The following ZNF418 variants were observed in gnomAD, a reference collection of about 807,000 sequenced individuals.
ZNF418 encodes the protein zinc finger protein 418.
Under a neutral mutation model 32.0 loss-of-function variants are expected in ZNF418, and 32 were observed. The ratio of observed to expected loss-of-function variants is 1.00; its 90% CI spans 0.75 to 1.34. The LOEUF (loss-of-function observed/expected upper bound fraction) is 1.34, where lower values mean the gene tolerates loss of function less well. Among genes scored for constraint, ZNF418 ranks in the 40% most tolerant of loss-of-function variants. ZNF418 has a pLI of 0.00. For missense variants in ZNF418, 804 were observed against 812.5 expected (o/e 0.99, Z 0.13); for synonymous variants, 276 against 270.7 (o/e 1.02, Z -0.19).
intron 2 of ZNF418, chr19:57,932,664 C>T (rs950224378): frequency 3.9e-5 from 55 of 1,397,262 alleles, no homozygotes; most frequent in Non-Finnish European, 4.9e-5. Context: ...AAGTGGAAAA[C>T]AAAAGAAAAA....
In ZNF418 at chr19:57,927,532, CGT is replaced by C; in HGVS notation, c.647_648del (p.His216ArgfsTer11). ...GGAAGTCTCTGCTGTTGAACAAATACGTGTTTGGTGCTAGAATGTTTCATGCA... is the reference window on the plus strand; with the variant it reads ...GGAAGTCTCTGCTGTTGAACAAATACGTTTGGTGCTAGAATGTTTCATGCA... Reference protein sequence around the residue: ...GECMKHSSTKHVFVQQQRLPS... With the variant: ...GECMKHSSTKXVFVQQQRLPS... On this transcript the variant is annotated frameshift_variant, in exon 4 of 6. Coordinates refer to ENST00000396147, the MANE Select transcript of ZNF418 (RefSeq NM_133460.3). LOFTEE classifies it high-confidence loss of function. The C allele has an allele frequency of 6.2e-7, 1 of 1,614,198 alleles. No individual in the cohort carries two copies. The highest frequency in any genetic ancestry group is 1.1e-5 in the South Asian group (1 of 91,086).
At chr19:57,932,658 G>A (rs2072531623) in intron 2 of ZNF418, 1 of 1,400,812 alleles carries the variant, frequency 7.1e-7, no homozygotes, top group Non-Finnish European at 9.3e-7. Context: ...TAAGAAAAGT[G>A]GAAAACAAAA....
intron 2 of ZNF418, among the ~76,000 whole-genome samples, chr19:57,931,173 C>T (rs2072472612): frequency 6.6e-6 from 1 of 152,152 alleles, no homozygotes; most frequent in African/African-American, 2.4e-5. Flanking sequence ...TGCCTGGGTC[C>T]ATTAGACGTA....
At chr19:57,922,824 A>G (rs1192755180) in intron 5 of ZNF418, among the ~76,000 whole-genome samples, 195 bp from the exon 6 acceptor site, 1 of 151,834 alleles carries the variant, frequency 6.6e-6, no homozygotes, top group Non-Finnish European at 1.5e-5. Flanking sequence ...ACATAGTGAG[A>G]CCTAATCTCT....
At chr19:57,925,072 T>A (rs764365939) in intron 4 of ZNF418, among the ~76,000 whole-genome samples, 3 of 152,094 alleles carry the variant, frequency 2.0e-5, no homozygotes, top group Non-Finnish European at 4.4e-5. Context: ...CTCTCAAGAC[T>A]GAAGGAAGCT....
At chr19:57,930,330 C>T (rs1284352951) in intron 3 of ZNF418, 98 bp downstream of exon 3, 1 of 1,579,550 alleles carries the variant, frequency 6.3e-7, no homozygotes, top group Non-Finnish European at 8.7e-7. Context: ...GAAGCTGTGC[C>T]CATGGTCCTG....
chr19:57,925,532 C>G (rs923458013), intron 4 of ZNF418, 91 bp downstream of exon 4: 1 of 152,212 alleles, frequency 6.6e-6, no homozygotes. Context: ...TTCAAGCTGA[C>G]AGAAGACCCC....
intron 2 of ZNF418, among the ~76,000 whole-genome samples, chr19:57,931,820 C>A (rs1002206312): frequency 6.6e-6 from 1 of 152,208 alleles, no homozygotes; most frequent in Non-Finnish European, 1.5e-5. Flanking sequence ...AAGCAATCCT[C>A]CCACCTCAGC....
At position 57,924,142 on chromosome 19, in the gene ZNF418, G is replaced by GA. The variant is rs997153751; in HGVS notation, c.*528-854dup. 2.2e-3 allele frequency among the ~76,000 whole-genome samples: 275 copies of GA among 126,518 alleles called. 1 individual carries two copies. Among genetic ancestry groups the GA allele is most frequent in the East Asian group, 4.0e-3 (18 of 4,468 alleles). 83.0% of individuals were successfully genotyped at this position (126,518 alleles called of 152,430 possible). A position where few individuals can be genotyped will look rare whatever the true frequency, so the allele number is the denominator to read the frequency against. ...GGTCACAGAGCAACACCTTGTCTTA[G>GA]AAAAAAAAAAAAAGAAAAACATGGA... On this transcript the variant is annotated intron_variant, in intron 4 of 5. Transcript: ENST00000396147.
rs755372265 is a variant in ZNF418, at chr19:57,926,102, T to C, written c.*48A>G. 6.7e-7 allele frequency: 1 copy of C among 1,485,594 alleles called. No individual in the cohort carries two copies. Among genetic ancestry groups the C allele is most frequent in the South Asian group, 1.3e-5 (1 of 79,886 alleles). The allele number at this position is 1,485,594 out of a possible 1,614,324, so 92.0% of individuals were successfully genotyped here. A position where few individuals can be genotyped will look rare whatever the true frequency, so the allele number is the denominator to read the frequency against. On this transcript the variant is annotated 3_prime_UTR_variant, in exon 4 of 6. Coordinates refer to ENST00000396147, the MANE Select transcript of ZNF418 (RefSeq NM_133460.3). Reference sequence around the variant, plus strand: ...TCCTGATCCAGTAAGAACCCTCTGATCAAGAAGATGCACAGAGGTTTAGCT... The same window carrying C: ...TCCTGATCCAGTAAGAACCCTCTGACCAAGAAGATGCACAGAGGTTTAGCT...
chr19:57,927,792 T>C lies in ZNF418; in HGVS notation c.389A>G (p.Gln130Arg). The C allele has an allele frequency of 6.2e-7, 1 of 1,614,240 alleles. No individual in the cohort carries two copies. The highest frequency in any genetic ancestry group is 8.5e-7 in the Non-Finnish European group (1 of 1,180,044). Residue 130 changes from glutamine to arginine, a missense_variant, in exon 4 of 6, where the codon CAG becomes CGG. Gln to Arg is a conservative substitution (Grantham distance 43). Coordinates refer to ENST00000396147, the MANE Select transcript of ZNF418 (RefSeq NM_133460.3). ...YDSSNRPHQN[Q>R]YLGEKPYRSS... is the part of the protein sequence containing the mutation. ...TCTATAGGGTTTCTCTCCAAGGTAC[T>C]GATTCTGGTGCGGACGGTTTGAACT...
intron 3 of ZNF418, among the ~76,000 whole-genome samples, chr19:57,929,023 C>G: frequency 6.6e-6 from 1 of 151,890 alleles, no homozygotes; most frequent in Non-Finnish European, 1.5e-5. Context: ...AAAAACAAAA[C>G]ACAATTTGTA....
In ZNF418 at chr19:57,933,906, C is replaced by A. The variant is rs949725245; in HGVS notation, c.-80-4G>T. 12 of 1,612,786 alleles carry A rather than the reference C, an allele frequency of 7.4e-6. No homozygotes were observed. In the African/African-American group the frequency reaches 1.5e-4, roughly 20 times the overall value. The stretch of plus-strand genomic sequence containing the variant: ...CTTCTTTGCAGCCAGATGATGCCTG[C>A]AGACAAATGGGACTGTGGTAACATC... On this transcript the variant is annotated splice_region_variant and splice_polypyrimidine_tract_variant and intron_variant, in intron 1 of 5. Transcript: ENST00000396147.
intron 1 of ZNF418, chr19:57,934,792 G>A (rs2072627073): frequency 3.6e-6 from 1 of 280,898 alleles, no homozygotes. Context: ...TAAAAGCCTG[G>A]ACTTGGATCG....
intron 3 of ZNF418, 26 bp downstream of exon 3, chr19:57,930,402 A>G (rs1366582803): frequency 6.2e-7 from 1 of 1,613,902 alleles, no homozygotes; most frequent in Non-Finnish European, 8.5e-7. Flanking sequence ...CTATTCAGGA[A>G]ATAGGGTAGG....
chr19:57,927,741 ACAAACAATG>A lies in ZNF418; in HGVS notation c.431_439del (p.Ala144_Phe146del), dbSNP rs1324557801. 1 of 1,614,202 alleles carries A rather than the reference ACAAACAATG, an allele frequency of 6.2e-7. No homozygotes were observed. The highest frequency in any genetic ancestry group is 8.5e-7 in the Non-Finnish European group (1 of 1,180,042). ...TGACACATGGAACTTACACCTCTTC[ACAAACAATG>A]CTTCCTCAACACTGCTTCTATAGGG... On this transcript the variant is annotated inframe_deletion, in exon 4 of 6. Coordinates refer to ENST00000396147, the MANE Select transcript of ZNF418 (RefSeq NM_133460.3).
rs1406880215 is a variant in ZNF418 at position 57,925,986 on chromosome 19, C to G, written c.*164G>C. 1 of 616,100 alleles carries G rather than the reference C, an allele frequency of 1.6e-6. No individual in the cohort carries two copies. The highest frequency in any genetic ancestry group is 2.8e-6 in the Non-Finnish European group (1 of 354,212). The allele number at this position is 616,100 out of a possible 1,614,324, so 38.2% of individuals were successfully genotyped here. A position where few individuals can be genotyped will look rare whatever the true frequency, so the allele number is the denominator to read the frequency against. ...AAGGCTTTCTCACATTCATCGCACT[C>G]AAGAGGCCCTTCTGCAGTGGGAGCT... On this transcript the variant is annotated 3_prime_UTR_variant, in exon 4 of 6. Coordinates refer to ENST00000396147, the MANE Select transcript of ZNF418 (RefSeq NM_133460.3).
Position 57,922,599 on chromosome 19 carries a change from A to T in ZNF418, c.*656T>A, listed in dbSNP as rs1213770630. ...ACAGTTTACCAAATATGAAAAGGTGAGGTGGGCAAAGGGAAATGCCCTTGA... is the reference window on the plus strand; with the variant it reads ...ACAGTTTACCAAATATGAAAAGGTGTGGTGGGCAAAGGGAAATGCCCTTGA... On this transcript the variant is annotated 3_prime_UTR_variant, in exon 6 of 6. Coordinates refer to ENST00000396147, the MANE Select transcript of ZNF418 (RefSeq NM_133460.3). 1.0e-5 allele frequency: 4 copies of T among 398,480 alleles called. No homozygotes were observed. Among genetic ancestry groups the T allele is most frequent in the Non-Finnish European group, 1.8e-5 (4 of 226,074 alleles). The allele number at this position is 398,480 out of a possible 1,614,324, so 24.7% of individuals were successfully genotyped here. A position where few individuals can be genotyped will look rare whatever the true frequency, so the allele number is the denominator to read the frequency against.
intron 2 of ZNF418, 101 bp from the exon 3 acceptor site, chr19:57,930,655 A>G: frequency 6.5e-7 from 1 of 1,549,588 alleles, no homozygotes; most frequent in Non-Finnish European, 8.8e-7. Flanking sequence ...CCTCCTCCCA[A>G]GATCCTCAGC....
Sources: gnomAD v4.1 joint callset for allele counts (sites outside exome capture counted in the v4.1 genomes callset) on GRCh38, gnomAD v4.1.1 for gene constraint, MANE v1.5 for transcripts, NCBI Gene and HGNC (gene_info 2026-07-23, HGNC 2026-07-21) for gene names.